MARCHF7: variants seen among roughly 807,000 people sequenced by gnomAD.
The protein encoded by MARCHF7 is E3 ubiquitin-protein ligase MARCHF7.
In MARCHF7, 20 loss-of-function variants were observed where a neutral mutation model predicts 76.5. The observed-to-expected ratio is 0.26, with a 90% CI of 0.18 to 0.38. The LOEUF (loss-of-function observed/expected upper bound fraction) is 0.38. MARCHF7 is among the 10% of genes least tolerant of loss of function. The probability of loss-of-function intolerance (pLI) is 1.00; values close to 1 mark genes in which losing one functional copy is unlikely to be tolerated. For missense variants in MARCHF7, 797 were observed against 812.9 expected (o/e 0.98, Z 0.24); for synonymous variants, 295 against 293.0 (o/e 1.01, Z -0.07).
intron 2 of MARCHF7, among the ~76,000 whole-genome samples, chr2:159,715,022 A>T (rs1278289869): frequency 1.3e-5 from 2 of 152,250 alleles, no homozygotes; most frequent in Admixed American, 6.5e-5. Flanking sequence ...TTGCTGATAC[A>T]TCCTTCTGTT....
intron 3 of MARCHF7, among the ~76,000 whole-genome samples, chr2:159,726,351 C>T (rs924939074): frequency 5.3e-5 from 8 of 152,150 alleles, no homozygotes; most frequent in African/African-American, 1.7e-4. Flanking sequence ...CAAGCTCCGC[C>T]TCCCGGGTTC....
chr2:159,734,511 A>G (rs1703219491), intron 4 of MARCHF7, among the ~76,000 whole-genome samples: 1 of 152,202 alleles, frequency 6.6e-6, no homozygotes, highest in African/African-American at 2.4e-5. Flanking sequence ...GGATAAGGAA[A>G]TATACAGATA....
At chr2:159,714,067 A>G (rs1700705010) in intron 1 of MARCHF7, among the ~76,000 whole-genome samples, 1 of 152,184 alleles carries the variant, frequency 6.6e-6, no homozygotes, top group Admixed American at 6.5e-5. Flanking sequence ...TTCTACATGA[A>G]GGTGTCAGGT....
intron 8 of MARCHF7, among the ~76,000 whole-genome samples, chr2:159,756,257 T>G (rs768453125): frequency 6.6e-6 from 1 of 152,226 alleles, no homozygotes; most frequent in Admixed American, 6.5e-5. Flanking sequence ...TTTAAGAACA[T>G]TGGCTTTTTG....
chr2:159,748,013 A>G lies in MARCHF7; in HGVS notation c.723A>G (p.Gly241=), dbSNP rs1290960972. Residue 241 remains glycine (G), a synonymous_variant, in exon 7 of 12, where the codon GGA becomes GGG. Transcript: ENST00000409175. ...SESSRSNTQP[G]FSYSSSRDEA... is the part of the protein sequence containing the mutation. ...CTTCCCGAAGCAATACGCAGCCTGG[A>G]TTTTCTTACAGTTCAAGTAGAGATG... The G allele has an allele frequency of 6.2e-7, 1 of 1,614,166 alleles. No homozygotes were observed. Among genetic ancestry groups the G allele is most frequent in the Non-Finnish European group, 8.5e-7 (1 of 1,180,028 alleles).
chr2:159,713,985 A>C (rs1426870729), intron 1 of MARCHF7, among the ~76,000 whole-genome samples: 1 of 152,124 alleles, frequency 6.6e-6, no homozygotes, highest in African/African-American at 2.4e-5. Flanking sequence ...TTCAAGTACA[A>C]ATGATTTCTT....
chr2:159,730,466 A>G (rs1381335212), intron 4 of MARCHF7, among the ~76,000 whole-genome samples: 1 of 152,216 alleles, frequency 6.6e-6, no homozygotes, highest in Non-Finnish European at 1.5e-5. Flanking sequence ...AAAAAACAAA[A>G]CAAAACAAAA....
intron 4 of MARCHF7, among the ~76,000 whole-genome samples, chr2:159,741,839 A>G (rs893296804): frequency 6.6e-6 from 1 of 152,180 alleles, no homozygotes; most frequent in Non-Finnish European, 1.5e-5. Flanking sequence ...TTTATTTTAG[A>G]GGTCCTTACT....
At chr2:159,745,337 CTA>C (rs1704719833) in intron 5 of MARCHF7, among the ~76,000 whole-genome samples, 3 of 152,218 alleles carry the variant, frequency 2.0e-5, no homozygotes, top group East Asian at 3.9e-4. Context: ...CTGATAACAA[CTA>C]TATAACCGGG....
At chr2:159,757,915 C>T (rs1706538390) in intron 8 of MARCHF7, among the ~76,000 whole-genome samples, 1 of 152,184 alleles carries the variant, frequency 6.6e-6, no homozygotes. Flanking sequence ...TTCAGATTAG[C>T]ACTCACTTTC....
intron 1 of MARCHF7, among the ~76,000 whole-genome samples, chr2:159,714,206 G>A (rs578024416): frequency 6.6e-6 from 1 of 152,226 alleles, no homozygotes; most frequent in South Asian, 2.1e-4. Context: ...ACATTTTATT[G>A]TAGGAAAATA....
chr2:159,736,968 A>G (rs1363553547), intron 4 of MARCHF7, among the ~76,000 whole-genome samples: 2 of 152,196 alleles, frequency 1.3e-5, no homozygotes, highest in East Asian at 3.9e-4. Context: ...CATACAATTC[A>G]CCATATCACA....
At position 159,743,123 on chromosome 2, in the gene MARCHF7, A is replaced by G. The variant is rs1431293529; in HGVS notation, c.216A>G (p.Ile72Met). 2 of 1,614,114 alleles carry G rather than the reference A, an allele frequency of 1.2e-6. No individual in the cohort carries two copies. The highest frequency in any genetic ancestry group is 1.7e-6 in the Non-Finnish European group (2 of 1,180,052). The change falls in exon 5 of 12, where the codon ATA becomes ATG. Residue 72 changes from isoleucine (I) to methionine (M), a missense_variant. Ile to Met is a conservative substitution (Grantham distance 10). Around this residue, in one of 3 missense-constraint regions of MARCHF7, gnomAD observed 643 missense variants for 631.5 expected, o/e 1.02. Transcript: ENST00000409175. Reference protein sequence around the residue: ...FQSAWYSESEITQGARSRSQN... With the variant: ...FQSAWYSESEMTQGARSRSQN... ...CTGCATGGTATAGTGAATCTGAGAT[A>G]ACTCAGGGAGCACGCTCAAGATCGC...
At chr2:159,730,802 G>A (rs1320542444) in intron 4 of MARCHF7, among the ~76,000 whole-genome samples, 1 of 152,144 alleles carries the variant, frequency 6.6e-6, no homozygotes, top group Non-Finnish European at 1.5e-5. Flanking sequence ...CACAAATTTT[G>A]AAACCAGACT....
chr2:159,758,756 A>C (rs895324846), intron 8 of MARCHF7, among the ~76,000 whole-genome samples: 2 of 152,218 alleles, frequency 1.3e-5, no homozygotes, highest in Non-Finnish European at 2.9e-5. Context: ...TAAGGCAGAC[A>C]TATTCCTTAA....
intron 3 of MARCHF7, among the ~76,000 whole-genome samples, chr2:159,718,705 T>C (rs746129997): frequency 1.3e-5 from 2 of 152,144 alleles, no homozygotes; most frequent in Non-Finnish European, 2.9e-5. Context: ...GCTTTAATCA[T>C]AAGTAGGGTA....
At chr2:159,736,035 A>G (rs1050662691) in intron 4 of MARCHF7, among the ~76,000 whole-genome samples, 5 of 152,208 alleles carry the variant, frequency 3.3e-5, no homozygotes, top group African/African-American at 1.2e-4. Context: ...GCTGAGGTGG[A>G]AGGATCCCTT....
At chr2:159,766,965 TATC>T (rs1411620012) in intron 11 of MARCHF7, among the ~76,000 whole-genome samples, 2 of 152,124 alleles carry the variant, frequency 1.3e-5, no homozygotes, top group African/African-American at 4.8e-5. Flanking sequence ...AGTGTTTATA[TATC>T]ATTAGCTACT....
intron 9 of MARCHF7, among the ~76,000 whole-genome samples, chr2:159,760,568 T>C (rs1706908309): frequency 6.6e-6 from 1 of 152,152 alleles, no homozygotes; most frequent in Admixed American, 6.5e-5. Context: ...AGGGGAAACA[T>C]GGAAAAGTGG....
Sources: gnomAD v4.1 joint callset for allele counts (sites outside exome capture counted in the v4.1 genomes callset) on GRCh38, gnomAD v4.1.1 for gene constraint, gnomAD v4.1.1 regional missense constraint, MANE v1.5 for transcripts, NCBI Gene and HGNC (gene_info 2026-07-23, HGNC 2026-07-21) for gene names.